CNBD1: variants seen among roughly 807,000 people sequenced by gnomAD.
CNBD1 encodes cyclic nucleotide-binding domain-containing protein 1.
In CNBD1, 71 loss-of-function variants were observed where a neutral mutation model predicts 54.4. The observed-to-expected ratio is 1.30, with a 90% CI of 1.08 to 1.59. CNBD1 has a LOEUF of 1.59. CNBD1 is among the 40% of genes most tolerant of loss of function. The probability of loss-of-function intolerance (pLI) is 0.00; values close to 1 mark genes in which losing one functional copy is unlikely to be tolerated. For missense variants in CNBD1, 659 were observed against 518.0 expected (o/e 1.27, Z -2.64); for synonymous variants, 182 against 170.7 (o/e 1.07, Z -0.51).
rs140077581 is a variant in CNBD1 at position 86,963,053 on chromosome 8, C to T, written c.431+23299C>T. Among the ~76,000 whole-genome samples the T allele has an allele frequency of 2.5e-3, 384 of 152,240 alleles. 2 individuals are homozygous for T. Among genetic ancestry groups the T allele is most frequent in the South Asian group, 7.5e-3 (36 of 4,816 alleles). On this transcript the variant is annotated intron_variant, in intron 4 of 10. Transcript: ENST00000518476. Reference sequence around the variant, plus strand: ...ATCTGGAAAGAGGAGTAAAAGGCTTCCCTTTGTTCCTCTCTCTTCCTAGCG... The same window carrying T: ...ATCTGGAAAGAGGAGTAAAAGGCTTTCCTTTGTTCCTCTCTCTTCCTAGCG...
At chr8:87,265,304 T>C (rs1286252133) in intron 6 of CNBD1, among the ~76,000 whole-genome samples, 1 of 152,038 alleles carries the variant, frequency 6.6e-6, no homozygotes, top group Non-Finnish European at 1.5e-5. Flanking sequence ...AAAGATCAGA[T>C]AGTTGTAGAT....
chr8:87,144,531 A>G (rs1051292617), intron 4 of CNBD1, among the ~76,000 whole-genome samples: 7 of 152,208 alleles, frequency 4.6e-5, no homozygotes, highest in Non-Finnish European at 1.0e-4. Context: ...AACTATCCCA[A>G]TAGAAATTTT....
At chr8:87,393,450 G>A (rs1483340595) in intron 2 of CNBD1, among the ~76,000 whole-genome samples, 4 of 151,878 alleles carry the variant, frequency 2.6e-5, no homozygotes, top group Non-Finnish European at 4.4e-5. Context: ...ATTAGTCATT[G>A]CATTTTATTC....
At chr8:87,303,563 G>C (rs999513235) in intron 8 of CNBD1, among the ~76,000 whole-genome samples, 39 of 152,148 alleles carry the variant, frequency 2.6e-4, no homozygotes, top group Admixed American at 4.6e-4. Flanking sequence ...ATACCATTCA[G>C]GACATAGGCA....
intron 6 of CNBD1, among the ~76,000 whole-genome samples, chr8:87,253,045 C>G (rs1035584835): frequency 6.6e-6 from 1 of 151,946 alleles, no homozygotes; most frequent in African/African-American, 2.4e-5. Flanking sequence ...ATAGGCAGGT[C>G]TAGAGAGAAA....
intron 5 of CNBD1, among the ~76,000 whole-genome samples, chr8:87,234,987 T>G (rs995479021): frequency 3.3e-5 from 5 of 152,202 alleles, no homozygotes. Context: ...AACTTCTATA[T>G]CAGCACTTGC....
chr8:87,154,879 G>A lies in CNBD1; in HGVS notation c.432-51114G>A, dbSNP rs185421181. Among the ~76,000 whole-genome samples, 119 of 152,142 alleles carry A rather than the reference G, an allele frequency of 7.8e-4. 1 individual carries two copies. Among genetic ancestry groups the A allele is most frequent in the Admixed American group, 2.0e-3 (30 of 15,272 alleles). ...CAGGTGAAAGGTACTCCATTGATGT[G>A]GCACATCCAACTTTACTCACTCCAC... On this transcript the variant is annotated intron_variant, in intron 4 of 10. Coordinates refer to ENST00000518476, the MANE Select transcript of CNBD1 (RefSeq NM_173538.3).
intron 3 of CNBD1, among the ~76,000 whole-genome samples, chr8:86,907,742 G>A (rs1438020346): frequency 6.6e-6 from 1 of 151,454 alleles, no homozygotes; most frequent in Non-Finnish European, 1.5e-5. Flanking sequence ...AGTATATTAA[G>A]AAAATTGTGA....
At chr8:86,957,135 G>A (rs1807797175) in intron 4 of CNBD1, among the ~76,000 whole-genome samples, 1 of 152,200 alleles carries the variant, frequency 6.6e-6, no homozygotes, top group African/African-American at 2.4e-5. Context: ...TACGTTTATT[G>A]ATTGCTGTAT....
chr8:87,312,318 T>C lies in CNBD1; in HGVS notation c.1042+25647T>C, dbSNP rs572670279. On this transcript the variant is annotated intron_variant, in intron 8 of 10. Coordinates refer to ENST00000518476, the MANE Select transcript of CNBD1 (RefSeq NM_173538.3). Reference sequence around the variant, plus strand: ...TTGTAACAATTGTGTGTGAGTTACATATGCACACATTCTCTATTCTCTTGG... The same window carrying C: ...TTGTAACAATTGTGTGTGAGTTACACATGCACACATTCTCTATTCTCTTGG... Among the ~76,000 whole-genome samples, 488 of 152,258 alleles carry C rather than the reference T, an allele frequency of 3.2e-3. 2 individuals carry two copies. Among genetic ancestry groups the C allele is most frequent in the African/African-American group, 0.011 (456 of 41,548 alleles).
chr8:86,907,665 T>TAA (rs559202656), intron 3 of CNBD1, among the ~76,000 whole-genome samples: 3 of 139,762 alleles, frequency 2.1e-5, no homozygotes, highest in African/African-American at 2.6e-5. Flanking sequence ...TGACTCTATC[T>TAA]AAAAAAAAAA....
Position 87,145,755 on chromosome 8 carries a change from T to C in CNBD1, c.432-60238T>C, listed in dbSNP as rs568662751. 3.1e-3 allele frequency among the ~76,000 whole-genome samples: 472 copies of C among 152,234 alleles called. 4 individuals are homozygous for C. Among genetic ancestry groups the C allele is most frequent in the African/African-American group, 0.011 (438 of 41,546 alleles). On this transcript the variant is annotated intron_variant, in intron 4 of 10. Transcript: ENST00000518476. ...TGCAACAAGAAAGAACAGAACACTATAGAGAAGGGTTGAGGATTTCTGGGT... is the reference window on the plus strand; with the variant it reads ...TGCAACAAGAAAGAACAGAACACTACAGAGAAGGGTTGAGGATTTCTGGGT...
chr8:86,941,354 A>T (rs1386056180), intron 4 of CNBD1, among the ~76,000 whole-genome samples: 4 of 152,166 alleles, frequency 2.6e-5, no homozygotes, highest in African/African-American at 9.7e-5. Flanking sequence ...AAAACACTGA[A>T]AGTGATCTAA....
intron 4 of CNBD1, among the ~76,000 whole-genome samples, chr8:87,089,687 T>A (rs950149329): frequency 6.6e-6 from 1 of 152,134 alleles, no homozygotes; most frequent in Non-Finnish European, 1.5e-5. Context: ...GACTATATTA[T>A]AAAGAATTGA....
intron 3 of CNBD1, among the ~76,000 whole-genome samples, chr8:86,909,071 T>C (rs1809062541): frequency 6.6e-6 from 1 of 152,084 alleles, no homozygotes; most frequent in South Asian, 2.1e-4. Context: ...TTCTTTTTGA[T>C]GATACTGTAC....
intron 2 of CNBD1, 131 bp from the exon 3 acceptor site, chr8:86,904,950 T>C (rs1028712030): frequency 2.5e-6 from 1 of 407,026 alleles, no homozygotes; most frequent in Admixed American, 4.1e-5. Context: ...ATATTTATAT[T>C]TTATATTTTT....
At chr8:87,099,052 A>C (rs1811375435) in intron 4 of CNBD1, among the ~76,000 whole-genome samples, 4 of 150,566 alleles carry the variant, frequency 2.7e-5, no homozygotes, top group Middle Eastern at 3.4e-3. Flanking sequence ...AAAAAAAAAA[A>C]AAAAAAAACA....
intron 10 of CNBD1, among the ~76,000 whole-genome samples, chr8:87,369,064 A>G (rs568294942): frequency 2.0e-5 from 3 of 152,116 alleles, no homozygotes; most frequent in East Asian, 1.9e-4. Context: ...TGATAACTCA[A>G]TAATTTTTTT....
intron 3 of CNBD1, among the ~76,000 whole-genome samples, chr8:86,914,149 G>A (rs187247088): frequency 2.2e-4 from 34 of 152,226 alleles, no homozygotes; most frequent in Non-Finnish European, 3.1e-4. Flanking sequence ...TTCAGTTAAC[G>A]CAATCATCAC....
Sources: gnomAD v4.1 joint callset for allele counts (sites outside exome capture counted in the v4.1 genomes callset) on GRCh38, gnomAD v4.1.1 for gene constraint, MANE v1.5 for transcripts, NCBI Gene and HGNC (gene_info 2026-07-23, HGNC 2026-07-21) for gene names.